PZP: variants seen among roughly 807,000 people sequenced by gnomAD.
PZP encodes the protein pregnancy zone protein.
In PZP, 150 loss-of-function variants were observed where a neutral mutation model predicts 179.8. That is an observed-to-expected ratio of 0.83 (90% confidence interval 0.73 to 0.96). The LOEUF is 0.96. PZP is among the 40% of genes least tolerant of loss of function. The pLI is 0.00. For synonymous variants in PZP, 624 were observed against 652.3 expected, an observed-to-expected ratio of 0.96 and a Z score of 0.66; for missense variants, 1,689 against 1,764.0, an observed-to-expected ratio of 0.96 and a Z score of 0.76.
intron 2 of PZP, among the ~76,000 whole-genome samples, chr12:9,203,046 T>A (rs1482483135): frequency 2.6e-5 from 4 of 152,160 alleles, no homozygotes; most frequent in African/African-American, 9.7e-5. Flanking sequence ...GTACTAGGTG[T>A]TTGCTTAGGG....
intron 31 of PZP, 93 bp downstream of exon 31, chr12:9,152,731 T>C (rs1940450812): frequency 7.6e-7 from 1 of 1,318,728 alleles, no homozygotes; most frequent in Middle Eastern, 1.9e-4. Context: ...ATTATATTAA[T>C]CTAATAACAT....
At position 9,168,927 on chromosome 12, in the gene PZP, C is replaced by G; in HGVS notation, c.2049G>C (p.Lys683Asn). The stretch of plus-strand genomic sequence containing the variant: ...ACACGGAAGGGATGACTGAACACGA[C>G]TTTGGTTTTCGGATTTTTGAGTTAG... ...VFTNSKIRKP[K>N]SCSVIPSVSA... is the part of the protein sequence containing the mutation. The change falls in exon 17 of 36, where the codon AAG (lysine) becomes AAC (asparagine). Residue 683 changes from lysine (K) to asparagine (N), a missense_variant. Coordinates refer to ENST00000261336, the MANE Select transcript of PZP (RefSeq NM_002864.3). 6.2e-7 allele frequency: 1 copy of G among 1,614,098 alleles called. No individual in the cohort carries two copies. The highest frequency in any genetic ancestry group is 2.2e-5 in the East Asian group (1 of 44,870).
chr12:9,141,568 A>G, the PZP span, among the ~76,000 whole-genome samples: 1 of 152,220 alleles, frequency 6.6e-6, no homozygotes, highest in Non-Finnish European at 1.5e-5. Context: ...ATATATTTAC[A>G]CACAGAATTT....
At chr12:9,199,654 T>TA (rs1456691993) in intron 7 of PZP, among the ~76,000 whole-genome samples, 1 of 151,980 alleles carries the variant, frequency 6.6e-6, no homozygotes, top group Admixed American at 6.6e-5. Flanking sequence ...GAAATGTCAT[T>TA]AAAAAAAGGA....
Position 9,196,647 on chromosome 12 carries a change from G to A in PZP, c.906C>T (p.Thr302=), listed in dbSNP as rs867171665. 1.2e-6 allele frequency: 2 copies of A among 1,613,626 alleles called. No homozygotes were observed. The highest frequency in any genetic ancestry group is 3.3e-4 in the Middle Eastern group (2 of 6,054). ...SNGCITQQVH[T]KMLQITNTGF... ...CCGTATTTGTAATCTGGAGCATTTT[G>A]GTGTGTACTTGTTGGGTGATGCAGC... is the stretch of plus-strand genomic sequence containing the variant. Residue 302 remains threonine, a synonymous_variant, in exon 9 of 36, where the codon ACC becomes ACT. Transcript: ENST00000261336.
intron 15 of PZP, among the ~76,000 whole-genome samples, chr12:9,177,580 C>T (rs1225943527): frequency 6.6e-6 from 1 of 152,208 alleles, no homozygotes; most frequent in East Asian, 1.9e-4. Flanking sequence ...CGCAAACACC[C>T]TTTCTACTTC....
At chr12:9,171,266 G>C (rs1322995752) in intron 15 of PZP, among the ~76,000 whole-genome samples, 1 of 152,198 alleles carries the variant, frequency 6.6e-6, no homozygotes. Context: ...CCCTATGATA[G>C]AGTGGCTTGA....
intron 30 of PZP, 32 bp from the exon 31 acceptor site, chr12:9,152,983 C>A: frequency 6.2e-7 from 1 of 1,613,698 alleles, no homozygotes; most frequent in Non-Finnish European, 8.5e-7. Flanking sequence ...ATCAGTTTCT[C>A]TCTTTTTCTG....
At chr12:9,165,954 T>C in intron 18 of PZP, 98 bp downstream of exon 18, 1 of 1,415,850 alleles carries the variant, frequency 7.1e-7, no homozygotes, top group Non-Finnish European at 9.5e-7. Flanking sequence ...TTAAGATAAT[T>C]ATTCAGAACT....
At chr12:9,141,085 G>A in the PZP span, among the ~76,000 whole-genome samples, 1 of 152,124 alleles carries the variant, frequency 6.6e-6, no homozygotes, top group Non-Finnish European at 1.5e-5. Context: ...AAGTTTTATA[G>A]TAGCCATAAA....
At chr12:9,193,346 G>A (rs2074606875) in intron 11 of PZP, among the ~76,000 whole-genome samples, 1 of 151,710 alleles carries the variant, frequency 6.6e-6, no homozygotes, top group Admixed American at 6.6e-5. Context: ...CATATTTTGT[G>A]GACTCTTCTA....
intron 13 of PZP, among the ~76,000 whole-genome samples, chr12:9,187,721 G>A (rs751378094): frequency 2.6e-5 from 4 of 152,182 alleles, no homozygotes; most frequent in Admixed American, 6.5e-5. Flanking sequence ...CATCCACATC[G>A]AAAAGTTAGA....
At chr12:9,200,258 A>G in intron 7 of PZP, 106 bp downstream of exon 7, 1 of 650,662 alleles carries the variant, frequency 1.5e-6, no homozygotes, top group Non-Finnish European at 2.5e-6. Flanking sequence ...CAAAGGAGTA[A>G]TATTACAAAA....
intron 15 of PZP, among the ~76,000 whole-genome samples, chr12:9,176,071 A>G (rs763488612): frequency 6.6e-5 from 10 of 152,360 alleles, no homozygotes; most frequent in South Asian, 4.1e-4. Flanking sequence ...ATGCCCATCA[A>G]TGATAGACTG....
At chr12:9,157,649 G>T in intron 27 of PZP, 118 bp downstream of exon 27, 1 of 915,572 alleles carries the variant, frequency 1.1e-6, no homozygotes, top group South Asian at 1.6e-5. Flanking sequence ...TTATCAGTCT[G>T]AGAAATCCCT....
Position 9,148,999 on chromosome 12 carries a change from G to A in PZP, c.4427-5C>T, listed in dbSNP as rs773226804. The A allele has an allele frequency of 1.2e-6, 2 of 1,611,130 alleles. No homozygotes were observed. Among genetic ancestry groups the A allele is most frequent in the Non-Finnish European group, 1.7e-6 (2 of 1,177,356 alleles). The stretch of plus-strand genomic sequence containing the variant: ...AAACATTTCCATGCTCTGTATCTAT[G>A]GAGAAAAGAAAAACGTAAGGAGGTT... On this transcript the variant is annotated splice_region_variant and splice_polypyrimidine_tract_variant and intron_variant, in intron 35 of 35. Coordinates refer to ENST00000261336, the MANE Select transcript of PZP (RefSeq NM_002864.3).
intron 1 of PZP, among the ~76,000 whole-genome samples, chr12:9,204,689 T>C (rs1038205824): frequency 6.6e-6 from 1 of 152,164 alleles, no homozygotes; most frequent in Admixed American, 6.5e-5. Context: ...CCCTTTATGC[T>C]CAATTTCTTG....
intron 21 of PZP, among the ~76,000 whole-genome samples, chr12:9,163,082 G>A (rs746500651): frequency 6.6e-6 from 1 of 152,106 alleles, no homozygotes; most frequent in East Asian, 1.9e-4. Context: ...GAACCAGGGA[G>A]GGTGGTAGAG....
At chr12:9,158,218 G>A (rs1940905573) in intron 26 of PZP, among the ~76,000 whole-genome samples, 1 of 152,192 alleles carries the variant, frequency 6.6e-6, no homozygotes, top group Non-Finnish European at 1.5e-5. Flanking sequence ...GCCTCCCAAA[G>A]TGCTGTGATT....
Sources: gnomAD v4.1 joint callset for allele counts (sites outside exome capture counted in the v4.1 genomes callset) on GRCh38, gnomAD v4.1.1 for gene constraint, MANE v1.5 for transcripts, NCBI Gene and HGNC (gene_info 2026-07-23, HGNC 2026-07-21) for gene names.